Variants in SLC35F1 observed in about 807,000 individuals in gnomAD.
SLC35F1 encodes the protein solute carrier family 35 member F1.
SLC35F1 carries 14 observed loss-of-function variants against 48.7 expected under a neutral mutation model. The observed-to-expected ratio is 0.29, with a 90% CI of 0.19 to 0.45. The LOEUF (loss-of-function observed/expected upper bound fraction) is 0.45. Among genes scored for constraint, SLC35F1 ranks in the 20% least tolerant of loss-of-function variants. The pLI is 1.00. For missense variants in SLC35F1, 404 were observed against 500.0 expected, an observed-to-expected ratio of 0.81 and a Z score of 1.83; for synonymous variants, 190 against 202.2, an observed-to-expected ratio of 0.94 and a Z score of 0.51.
intron 1 of SLC35F1, among the ~76,000 whole-genome samples, chr6:118,098,162 G>T (rs1185091116): frequency 6.6e-6 from 1 of 152,088 alleles, no homozygotes; most frequent in East Asian, 1.9e-4. Flanking sequence ...AATTGTATAG[G>T]TGTTTGCAAA....
rs574902886 is a variant in SLC35F1 at position 118,236,580 on chromosome 6, T to C, written c.477+944T>C. On this transcript the variant is annotated intron_variant, in intron 3 of 7. Transcript: ENST00000360388. ...CAGTGGGTGGGAAACTATCTACACC[T>C]GACTTAGTTTTCCTACCATCTGATT... Among the ~76,000 whole-genome samples, 3 of 152,328 alleles carry C rather than the reference T, an allele frequency of 2.0e-5. No individual in the cohort carries two copies. The East Asian group carries it at 5.8e-4, about 29-fold the overall frequency.
intron 2 of SLC35F1, among the ~76,000 whole-genome samples, chr6:118,182,221 C>T (rs997556498): frequency 2.6e-5 from 4 of 152,034 alleles, no homozygotes; most frequent in African/African-American, 9.7e-5. Flanking sequence ...CACTGTGGCT[C>T]ATGCCTGTAA....
At chr6:118,261,704 G>C (rs914715179) in intron 3 of SLC35F1, among the ~76,000 whole-genome samples, 1 of 152,166 alleles carries the variant, frequency 6.6e-6, no homozygotes, top group Non-Finnish European at 1.5e-5. Context: ...AAACAGAGAA[G>C]AGAGTGAGGT....
intron 1 of SLC35F1, among the ~76,000 whole-genome samples, chr6:118,061,663 T>A (rs188711890): frequency 2.6e-5 from 4 of 151,880 alleles, no homozygotes; most frequent in African/African-American, 9.7e-5. Context: ...GGACTTCTCG[T>A]CATAGTTTAA....
intron 1 of SLC35F1, among the ~76,000 whole-genome samples, chr6:117,931,840 A>G (rs1370533210): frequency 1.3e-5 from 2 of 152,202 alleles, no homozygotes; most frequent in South Asian, 2.1e-4. Flanking sequence ...TTGAAAATCT[A>G]TGGATAAAGA....
rs118061789 is a variant in SLC35F1 at position 118,093,045 on chromosome 6, C to T, written c.174-61400C>T. Among the ~76,000 whole-genome samples, 1,303 of 152,228 alleles carry T rather than the reference C, an allele frequency of 8.6e-3. 8 individuals carry two copies. The highest frequency in any genetic ancestry group is 0.015 in the Non-Finnish European group (1,000 of 68,020). ...TTTGAAATGTGAGGATGGCCAGGCA[C>T]GGTGGCTCATGCCTGTAATCCCAGC... On this transcript the variant is annotated intron_variant, in intron 1 of 7. Coordinates refer to ENST00000360388, the MANE Select transcript of SLC35F1 (RefSeq NM_001029858.4).
intron 1 of SLC35F1, among the ~76,000 whole-genome samples, chr6:118,045,848 A>G (rs9481762): frequency 0.24 from 35,902 of 152,080 alleles, 4,760 homozygotes; most frequent in African/African-American, 0.34. Flanking sequence ...TTTCTTTTAC[A>G]TTGTCACATT....
chr6:117,995,151 T>C (rs4945604), intron 1 of SLC35F1, among the ~76,000 whole-genome samples: 99,479 of 152,050 alleles, frequency 0.65, 32,682 homozygotes, highest in East Asian at 0.81. Flanking sequence ...TTTTGCAAGG[T>C]AACTATTTTT....
intron 1 of SLC35F1, among the ~76,000 whole-genome samples, chr6:118,025,602 C>G (rs1331755836): frequency 1.3e-5 from 2 of 152,050 alleles, no homozygotes; most frequent in Non-Finnish European, 2.9e-5. Context: ...TGGAATTTCT[C>G]TAGTGTGAGA....
Position 118,119,502 on chromosome 6 carries a change from T to A in SLC35F1, c.174-34943T>A, listed in dbSNP as rs2484141. Among the ~76,000 whole-genome samples, 14 of 88,162 alleles carry A rather than the reference T, an allele frequency of 1.6e-4. 1 individual carries two copies. Among genetic ancestry groups the A allele is most frequent in the East Asian group, 9.4e-4 (2 of 2,128 alleles). 57.8% of individuals were successfully genotyped at this position (88,162 alleles called of 152,430 possible). A position where few individuals can be genotyped will look rare whatever the true frequency, so the allele number is the denominator to read the frequency against. Reference sequence around the variant, plus strand: ...ATGCAGTAATAACCGGCGCCCCCCCTCCACCCCGCTTTTTTTTTTGAGACG... The same window carrying A: ...ATGCAGTAATAACCGGCGCCCCCCCACCACCCCGCTTTTTTTTTTGAGACG... On this transcript the variant is annotated intron_variant, in intron 1 of 7. Coordinates refer to ENST00000360388, the MANE Select transcript of SLC35F1 (RefSeq NM_001029858.4).
intron 1 of SLC35F1, among the ~76,000 whole-genome samples, chr6:117,981,450 A>T (rs1056798416): frequency 6.6e-5 from 10 of 152,110 alleles, no homozygotes; most frequent in Non-Finnish European, 1.2e-4. Context: ...AGGAAGGCTG[A>T]GTGGAGAGGC....
intron 1 of SLC35F1, among the ~76,000 whole-genome samples, chr6:118,058,241 A>G (rs1772489688): frequency 6.6e-6 from 1 of 152,120 alleles, no homozygotes; most frequent in African/African-American, 2.4e-5. Context: ...AATATCTAAA[A>G]ATTTTGGGTT....
At chr6:118,077,253 T>C (rs1384401510) in intron 1 of SLC35F1, among the ~76,000 whole-genome samples, 1 of 152,198 alleles carries the variant, frequency 6.6e-6, no homozygotes, top group Non-Finnish European at 1.5e-5. Context: ...GGGGAGAGGC[T>C]CTGCAAAGAG....
At chr6:118,125,115 G>T (rs570810976) in intron 1 of SLC35F1, among the ~76,000 whole-genome samples, 1 of 152,098 alleles carries the variant, frequency 6.6e-6, no homozygotes, top group Non-Finnish European at 1.5e-5. Flanking sequence ...GTGCTTGCAG[G>T]CATGGGTGTA....
At chr6:118,119,583 A>C (rs1773526696) in intron 1 of SLC35F1, among the ~76,000 whole-genome samples, 1 of 138,944 alleles carries the variant, frequency 7.2e-6, no homozygotes, top group African/African-American at 2.7e-5. Flanking sequence ...GGCTCACTGC[A>C]ACCTCTGCCT....
chr6:118,287,744 A>G (rs891207190), intron 7 of SLC35F1, among the ~76,000 whole-genome samples: 1 of 152,092 alleles, frequency 6.6e-6, no homozygotes, highest in Non-Finnish European at 1.5e-5. Flanking sequence ...ACTTCCACTG[A>G]TGTGGGGTTA....
intron 2 of SLC35F1, among the ~76,000 whole-genome samples, chr6:118,192,793 T>G (rs1165296232): frequency 1.3e-5 from 2 of 152,198 alleles, no homozygotes; most frequent in Non-Finnish European, 2.9e-5. Context: ...TAATTCTGTT[T>G]ACCTCTCTTT....
intron 2 of SLC35F1, among the ~76,000 whole-genome samples, chr6:118,195,607 T>C (rs1265309651): frequency 6.6e-6 from 1 of 152,110 alleles, no homozygotes; most frequent in Non-Finnish European, 1.5e-5. Context: ...ACCCCTGCAA[T>C]ATTATCATTT....
intron 1 of SLC35F1, among the ~76,000 whole-genome samples, chr6:118,101,039 A>C (rs1773250027): frequency 1.3e-5 from 2 of 151,692 alleles, no homozygotes; most frequent in South Asian, 4.1e-4. Flanking sequence ...CAGAGCAGGA[A>C]GGTAGTGAAA....
Sources: allele counts gnomAD v4.1 joint callset (sites outside exome capture counted in the v4.1 genomes callset), GRCh38; gene constraint gnomAD v4.1.1; transcripts MANE v1.5; gene names NCBI Gene and HGNC (gene_info 2026-07-23, HGNC 2026-07-21).